EXOC6: variants seen among roughly 807,000 people sequenced by gnomAD.
EXOC6 encodes the protein exocyst complex component 6.
A neutral mutation model predicts 112.5 loss-of-function variants in EXOC6; 60 were observed. The observed-to-expected ratio is 0.53, with a 90% confidence interval of 0.43 to 0.66. EXOC6 has a LOEUF of 0.66. EXOC6 is among the 30% of genes least tolerant of loss of function. EXOC6 has a pLI of 0.00. For missense variants in EXOC6, 855 were observed against 957.1 expected, an observed-to-expected ratio of 0.89 and a Z score of 1.41; for synonymous variants, 295 against 308.0, an observed-to-expected ratio of 0.96 and a Z score of 0.44.
upstream of EXOC6, among the ~76,000 whole-genome samples, chr10:92,830,084 G>A (rs1161718021): frequency 6.6e-6 from 1 of 152,174 alleles, no homozygotes; most frequent in African/African-American, 2.4e-5. Flanking sequence ...GAGCACCCAT[G>A]CCACTGCTCT....
intron 8 of EXOC6, among the ~76,000 whole-genome samples, chr10:92,924,991 A>C (rs924403702): frequency 2.0e-5 from 3 of 152,166 alleles, no homozygotes; most frequent in African/African-American, 7.2e-5. Flanking sequence ...TGCTCCAAAA[A>C]ATATTATTTT....
At chr10:92,955,841 G>T (rs928202431) in intron 17 of EXOC6, 127 bp downstream of exon 17, 4 of 799,450 alleles carry the variant, frequency 5.0e-6, no homozygotes, top group Admixed American at 3.3e-5. Context: ...GGTATTCATT[G>T]TCAACAATGA....
intron 8 of EXOC6, among the ~76,000 whole-genome samples, chr10:92,926,237 G>A (rs1851710955): frequency 6.6e-6 from 1 of 151,710 alleles, no homozygotes; most frequent in South Asian, 2.1e-4. Flanking sequence ...CATCAGTTTA[G>A]TACTGATTAT....
At chr10:92,853,006 T>C (rs572422701) in intron 1 of EXOC6, among the ~76,000 whole-genome samples, 48 of 152,308 alleles carry the variant, frequency 3.2e-4, no homozygotes, top group Non-Finnish European at 5.0e-4. Context: ...TAGAAAATCC[T>C]GTGGAATGTA....
chr10:92,917,706 A>ATTTT (rs1412297531), intron 7 of EXOC6, among the ~76,000 whole-genome samples: 22 of 151,334 alleles, frequency 1.5e-4, no homozygotes, highest in African/African-American at 5.1e-4. Context: ...AAAAAAAAAA[A>ATTTT]TTTCTTATAG....
chr10:93,057,086 T>A, intron 21 of EXOC6, 50 bp downstream of exon 21: 1 of 979,648 alleles, frequency 1.0e-6, no homozygotes, highest in Non-Finnish European at 1.5e-6. Context: ...ACCTTTTGAT[T>A]CAGTGATAAA....
intron 1 of EXOC6, among the ~76,000 whole-genome samples, chr10:92,852,595 G>T (rs1378241151): frequency 6.6e-6 from 1 of 152,106 alleles, no homozygotes; most frequent in Non-Finnish European, 1.5e-5. Context: ...ATCAAGTGAG[G>T]TTTATTTCAA....
chr10:92,905,777 A>G (rs926924753), intron 5 of EXOC6, among the ~76,000 whole-genome samples: 1 of 151,992 alleles, frequency 6.6e-6, no homozygotes, highest in Non-Finnish European at 1.5e-5. Flanking sequence ...ATCTGTCTTG[A>G]TGTTCCATGT....
chr10:93,009,020 G>A (rs1405893016), intron 19 of EXOC6, among the ~76,000 whole-genome samples: 5 of 152,110 alleles, frequency 3.3e-5, no homozygotes. Flanking sequence ...AGGAGTTTGA[G>A]ACTGGCCTAG....
At chr10:92,828,161 G>A (rs143387604) in intron 1 of EXOC6, among the ~76,000 whole-genome samples, 5 of 152,018 alleles carry the variant, frequency 3.3e-5, no homozygotes, top group African/African-American at 4.8e-5. Context: ...CATGTATTCC[G>A]CAAATATCAA....
intron 18 of EXOC6, among the ~76,000 whole-genome samples, chr10:92,995,161 A>G (rs996293971): frequency 3.3e-5 from 5 of 151,922 alleles, no homozygotes; most frequent in African/African-American, 1.2e-4. Flanking sequence ...CAATGTTAGG[A>G]TTTTAGTATT....
chr10:92,889,045 C>T (rs1457848946), intron 1 of EXOC6, among the ~76,000 whole-genome samples: 4 of 152,048 alleles, frequency 2.6e-5, no homozygotes, highest in African/African-American at 9.7e-5. Context: ...TGCAAAAGGA[C>T]ATATAAAAAT....
chr10:93,002,844 G>A (rs575460269), intron 19 of EXOC6, among the ~76,000 whole-genome samples: 1 of 152,234 alleles, frequency 6.6e-6, no homozygotes, highest in African/African-American at 2.4e-5. Context: ...TCATAAATCC[G>A]TATTGACTCA....
At chr10:92,831,104 A>C (rs1846467273), upstream of EXOC6, among the ~76,000 whole-genome samples, 1 of 152,040 alleles carries the variant, frequency 6.6e-6, no homozygotes, top group African/African-American at 2.4e-5. Flanking sequence ...TGGTTTAGCC[A>C]GTGGAAACAG....
chr10:93,007,648 G>A (rs907214548), intron 19 of EXOC6, among the ~76,000 whole-genome samples: 13 of 151,968 alleles, frequency 8.6e-5, no homozygotes, highest in African/African-American at 2.7e-4. Context: ...GCGAGACTCC[G>A]TCTCCAAAAA....
At chr10:93,014,905 TA>T (rs1030194691) in intron 20 of EXOC6, among the ~76,000 whole-genome samples, 1 of 151,902 alleles carries the variant, frequency 6.6e-6, no homozygotes, top group African/African-American at 2.4e-5. Flanking sequence ...TCCACCTCTT[TA>T]TTTTTTTTTA....
intron 20 of EXOC6, among the ~76,000 whole-genome samples, chr10:93,055,977 T>C (rs1358754174): frequency 2.0e-5 from 3 of 152,196 alleles, no homozygotes; most frequent in African/African-American, 7.2e-5. Context: ...AATGCAAATG[T>C]TTCCTCCATT....
Position 92,909,602 on chromosome 10 carries a change from G to T in EXOC6, c.634G>T (p.Asp212Tyr). ...TTTGGAAAGTATTCGAAAACATTCTGACAAAATAGGTGAAACAGCAATGAA... is the reference window on the plus strand; with the variant it reads ...TTTGGAAAGTATTCGAAAACATTCTTACAAAATAGGTGAAACAGCAATGAA... ...DFLESIRKHS[D>Y]KIGETAMKQA... is the part of the protein sequence containing the mutation. The change falls in exon 6 of 22, where the codon GAC (aspartate) becomes TAC (tyrosine). Residue 212 changes from aspartate (D) to tyrosine (Y), a missense_variant. This residue lies in a region of EXOC6 where 405 missense variants were observed against 393.6 expected (regional missense o/e 1.03). Transcript: ENST00000260762. The T allele has an allele frequency of 6.2e-7, 1 of 1,610,698 alleles. No homozygotes were observed. The highest frequency in any genetic ancestry group is 1.1e-5 in the South Asian group (1 of 90,560).
chr10:92,858,698 A>G (rs1199712158), intron 1 of EXOC6, among the ~76,000 whole-genome samples: 1 of 152,158 alleles, frequency 6.6e-6, no homozygotes, highest in Non-Finnish European at 1.5e-5. Flanking sequence ...CATAGTTATT[A>G]TGGCTGCTTT....
Sources: gnomAD v4.1 joint callset for allele counts (sites outside exome capture counted in the v4.1 genomes callset) on GRCh38, gnomAD v4.1.1 for gene constraint, gnomAD v4.1.1 regional missense constraint, MANE v1.5 for transcripts, NCBI Gene and HGNC (gene_info 2026-07-23, HGNC 2026-07-21) for gene names.